The following VDAC1 variants were observed in gnomAD, a reference collection of about 807,000 sequenced individuals.
VDAC1 encodes the protein voltage dependent anion channel 1.
A neutral mutation model predicts 34.7 loss-of-function variants in VDAC1; 10 were observed. The ratio of observed to expected loss-of-function variants is 0.29; its 90% CI spans 0.18 to 0.49. VDAC1 has a LOEUF of 0.49. Ranked by LOEUF, VDAC1 falls within the 20% of genes least tolerant of loss-of-function variation. VDAC1 has a pLI of 0.99. For missense variants in VDAC1, 230 were observed against 347.9 expected (o/e 0.66, Z 2.69); for synonymous variants, 130 against 136.0 (o/e 0.96, Z 0.30).
chr5:134,011,545 G>A, the VDAC1 span, among the ~76,000 whole-genome samples: 3 of 151,770 alleles, frequency 2.0e-5, no homozygotes, highest in African/African-American at 7.3e-5. Flanking sequence ...ACATTTAAGT[G>A]AGATCATACA....
At chr5:133,972,988 T>G in intron 8 of VDAC1, 126 bp from the exon 9 acceptor site, 1 of 712,076 alleles carries the variant, frequency 1.4e-6, no homozygotes, top group Non-Finnish European at 2.4e-6. Flanking sequence ...ACATGGCCCT[T>G]CAATCCTTGT....
upstream of VDAC1, among the ~76,000 whole-genome samples, chr5:134,009,750 C>T (rs1441915342): frequency 2.6e-5 from 4 of 151,862 alleles, no homozygotes; most frequent in Admixed American, 2.0e-4. Context: ...GGCACCATCT[C>T]GGGTCACTGC....
chr5:134,086,926 T>C, the VDAC1 span, among the ~76,000 whole-genome samples: 1 of 152,148 alleles, frequency 6.6e-6, no homozygotes, highest in African/African-American at 2.4e-5. Flanking sequence ...ACCATCAAAG[T>C]ACACTTGAAG....
At chr5:133,990,362 C>T (rs1753060777) in intron 5 of VDAC1, among the ~76,000 whole-genome samples, 1 of 152,332 alleles carries the variant, frequency 6.6e-6, no homozygotes, top group Non-Finnish European at 1.5e-5. Context: ...CACCCACTCC[C>T]GTTTGGTCAT....
chr5:134,006,829 C>A (rs886613720), upstream of VDAC1, among the ~76,000 whole-genome samples: 7 of 151,840 alleles, frequency 4.6e-5, no homozygotes, highest in Non-Finnish European at 8.8e-5. Flanking sequence ...TCGCCAGCTC[C>A]CCTAGGTGCT....
At chr5:133,997,936 G>A (rs1192517709) in intron 1 of VDAC1, among the ~76,000 whole-genome samples, 2 of 151,220 alleles carry the variant, frequency 1.3e-5, no homozygotes, top group Admixed American at 1.3e-4. Context: ...GCGTGGTGGC[G>A]CATGCCTGTA....
chr5:134,033,801 G>A, the VDAC1 span, among the ~76,000 whole-genome samples: 3 of 151,960 alleles, frequency 2.0e-5, no homozygotes, highest in Non-Finnish European at 1.5e-5. Flanking sequence ...GACCATCCTG[G>A]CTAACACGGT....
the VDAC1 span, among the ~76,000 whole-genome samples, chr5:134,022,858 G>T: frequency 2.6e-5 from 4 of 152,174 alleles, no homozygotes; most frequent in Non-Finnish European, 5.9e-5. Flanking sequence ...AAATAGGAAC[G>T]CATTTACACT....
the VDAC1 span, among the ~76,000 whole-genome samples, chr5:134,076,413 T>C: frequency 1.3e-5 from 2 of 152,226 alleles, no homozygotes; most frequent in Admixed American, 1.3e-4. Flanking sequence ...CCTCAGACAT[T>C]TCCTTTGTTG....
chr5:134,046,674 C>T, the VDAC1 span, among the ~76,000 whole-genome samples: 4 of 152,140 alleles, frequency 2.6e-5, no homozygotes, highest in Non-Finnish European at 5.9e-5. Flanking sequence ...GGCGGTGGGT[C>T]CCCCAGTTCT....
chr5:134,077,778 C>A, the VDAC1 span, among the ~76,000 whole-genome samples: 3 of 152,144 alleles, frequency 2.0e-5, no homozygotes. Context: ...CTCTAGGAGT[C>A]CAATAATATG....
At chr5:134,114,065 A>G in the VDAC1 span, among the ~76,000 whole-genome samples, 1 of 152,196 alleles carries the variant, frequency 6.6e-6, no homozygotes, top group East Asian at 1.9e-4. Context: ...GGGGCCCGTC[A>G]CAGATGTGTG....
the VDAC1 span, among the ~76,000 whole-genome samples, chr5:134,026,110 C>T: frequency 5.9e-5 from 9 of 152,094 alleles, no homozygotes; most frequent in South Asian, 2.1e-4. Flanking sequence ...CATGCAAATC[C>T]GAACATCCAA....
chr5:134,001,715 TAAAAAAAAAA>T (rs10717143), intron 1 of VDAC1, among the ~76,000 whole-genome samples: 1 of 110,480 alleles, frequency 9.1e-6, no homozygotes, highest in Non-Finnish European at 1.8e-5. Flanking sequence ...AGACTCCATC[TAAAAAAAAAA>T]AAAAAAAAAA....
chr5:134,041,545 G>A, the VDAC1 span, among the ~76,000 whole-genome samples: 3 of 152,238 alleles, frequency 2.0e-5, no homozygotes, highest in Non-Finnish European at 2.9e-5. Flanking sequence ...CATCAGCGCT[G>A]TGAGTGGCAT....
the VDAC1 span, among the ~76,000 whole-genome samples, chr5:134,107,676 G>A: frequency 2.0e-5 from 3 of 152,186 alleles, no homozygotes; most frequent in Non-Finnish European, 4.4e-5. Context: ...CAGATGCTAC[G>A]CACCATGACA....
At chr5:134,012,957 A>C in the VDAC1 span, among the ~76,000 whole-genome samples, 10 of 152,156 alleles carry the variant, frequency 6.6e-5, no homozygotes, top group Non-Finnish European at 1.5e-4. Flanking sequence ...CAACCAACTA[A>C]TCTTCAACAA....
At chr5:134,058,246 G>A in the VDAC1 span, among the ~76,000 whole-genome samples, 1 of 152,086 alleles carries the variant, frequency 6.6e-6, no homozygotes, top group Non-Finnish European at 1.5e-5. Context: ...TAAAAAGGCT[G>A]AGTGAGTGGC....
chr5:134,102,095 G>A, the VDAC1 span, among the ~76,000 whole-genome samples: 2 of 152,152 alleles, frequency 1.3e-5, no homozygotes, highest in Non-Finnish European at 2.9e-5. Context: ...AGGGTCCCGG[G>A]TCCAAACATC....
Sources: gnomAD v4.1 joint callset for allele counts (sites outside exome capture counted in the v4.1 genomes callset) on GRCh38, gnomAD v4.1.1 for gene constraint, MANE v1.5 for transcripts, NCBI Gene and HGNC (gene_info 2026-07-23, HGNC 2026-07-21) for gene names.